CLEC17A: variants seen among roughly 807,000 people sequenced by gnomAD.
The protein encoded by CLEC17A is C-type lectin domain containing 17A, also known as C-type lectin domain family 17, member A.
In CLEC17A, 37 loss-of-function variants were observed where a neutral mutation model predicts 61.3. The observed-to-expected ratio is 0.60, with a 90% CI of 0.46 to 0.79. The LOEUF (loss-of-function observed/expected upper bound fraction) is 0.79, where lower values mean the gene tolerates loss of function less well. Ranked by LOEUF, CLEC17A falls within the 30% of genes least tolerant of loss-of-function variation. The pLI is 0.00. For synonymous variants in CLEC17A, 168 were observed against 164.9 expected (o/e 1.02, Z -0.14); for missense variants, 418 against 464.7 (o/e 0.90, Z 0.92).
At chr19:14,591,778 G>A (rs566209184) in intron 3 of CLEC17A, among the ~76,000 whole-genome samples, 18 of 150,890 alleles carry the variant, frequency 1.2e-4, no homozygotes, top group South Asian at 4.2e-4. Context: ...GGCTGATCTC[G>A]AACTCCCAAA....
intron 12 of CLEC17A, among the ~76,000 whole-genome samples, chr19:14,600,841 G>A (rs148256017): frequency 4.4e-4 from 65 of 148,000 alleles, no homozygotes; most frequent in African/African-American, 1.4e-3. Flanking sequence ...TGCCCGCCTC[G>A]GCCTCCCAAA....
intron 12 of CLEC17A, 74 bp downstream of exon 12, chr19:14,600,256 C>T (rs1445366808): frequency 6.5e-7 from 1 of 1,533,630 alleles, no homozygotes; most frequent in African/African-American, 1.4e-5. Flanking sequence ...ACACATCCCT[C>T]CCTTCCCTGG....
chr19:14,605,061 G>T (rs2074821153), intron 12 of CLEC17A, among the ~76,000 whole-genome samples: 1 of 152,082 alleles, frequency 6.6e-6, no homozygotes, highest in Admixed American at 6.5e-5. Flanking sequence ...GGCTGGGCAT[G>T]GTGGCTCACG....
upstream of CLEC17A, among the ~76,000 whole-genome samples, chr19:14,581,411 C>A (rs570124726): frequency 8.5e-5 from 13 of 152,264 alleles, no homozygotes; most frequent in Admixed American, 7.8e-4. Context: ...GCAGCCTCCG[C>A]CTCCCGGGTT....
chr19:14,591,633 A>G (rs1030915445), intron 3 of CLEC17A, among the ~76,000 whole-genome samples: 5 of 149,950 alleles, frequency 3.3e-5, no homozygotes, highest in Non-Finnish European at 5.9e-5. Context: ...AGCTCACTGC[A>G]ACCTCCACCT....
At chr19:14,604,647 C>A (rs1478916954) in intron 12 of CLEC17A, among the ~76,000 whole-genome samples, 1 of 151,888 alleles carries the variant, frequency 6.6e-6, no homozygotes, top group Non-Finnish European at 1.5e-5. Context: ...GCTGTAATCC[C>A]AGCTACTCAG....
chr19:14,597,590 G>T (rs1236074358), intron 10 of CLEC17A, among the ~76,000 whole-genome samples: 1 of 152,148 alleles, frequency 6.6e-6, no homozygotes, highest in Non-Finnish European at 1.5e-5. Context: ...AATTAGCCGG[G>T]TGTGGTGGTG....
chr19:14,607,035 C>G lies in CLEC17A; in HGVS notation c.937C>G (p.Leu313Val). ...CCATGGCTCTCCACGGGTGTACTGG[C>G]TGGGGCTGAATGACAGGGCCCAGGA... ...KAHGSPRVYWLGLNDRAQEGD... is the reference protein window; with the variant it reads ...KAHGSPRVYWVGLNDRAQEGD... Residue 313 changes from leucine to valine, a missense_variant, in exon 13 of 14, where the codon CTG (leucine) becomes GTG (valine). Leu to Val is a conservative substitution (Grantham distance 32). Coordinates refer to ENST00000417570, the MANE Select transcript of CLEC17A (RefSeq NM_001204118.2). 7.5e-7 allele frequency: 1 copy of G among 1,340,988 alleles called. No individual in the cohort carries two copies. Among genetic ancestry groups the G allele is most frequent in the South Asian group, 1.9e-5 (1 of 52,926 alleles). 83.1% of individuals were successfully genotyped at this position (1,340,988 alleles called of 1,614,324 possible).
chr19:14,597,368 A>C (rs1947020227), intron 10 of CLEC17A, among the ~76,000 whole-genome samples: 1 of 152,178 alleles, frequency 6.6e-6, no homozygotes, highest in South Asian at 2.1e-4. Flanking sequence ...TCCACCATCC[A>C]ATATGGTGGC....
intron 11 of CLEC17A, 32 bp downstream of exon 11, chr19:14,599,844 G>T: frequency 6.3e-7 from 1 of 1,577,122 alleles, no homozygotes; most frequent in Non-Finnish European, 8.7e-7. Context: ...GCCCAGGGAT[G>T]GGGGGCATGG....
At chr19:14,588,359 C>T (rs1030941141) in intron 3 of CLEC17A, 3 of 151,972 alleles carry the variant, frequency 2.0e-5, no homozygotes, top group African/African-American at 7.3e-5. Context: ...AGGTTTGGAC[C>T]GTTTGTGGTG....
upstream of CLEC17A, among the ~76,000 whole-genome samples, chr19:14,581,434 C>T (rs764647455): frequency 6.6e-6 from 1 of 152,116 alleles, no homozygotes; most frequent in Non-Finnish European, 1.5e-5. Flanking sequence ...AGCGATTCTT[C>T]TGCCGCAGCC....
chr19:14,591,279 T>G (rs374764390), intron 3 of CLEC17A, among the ~76,000 whole-genome samples: 1 of 150,036 alleles, frequency 6.7e-6, no homozygotes, highest in Non-Finnish European at 1.5e-5. Context: ...CTCAGCCTCC[T>G]GAGTAGCTGG....
At position 14,594,791 on chromosome 19, in the gene CLEC17A, C is replaced by T. The variant is rs537474682; in HGVS notation, c.394C>T (p.Pro132Ser). Residue 132 changes from proline (P) to serine (S), a missense_variant, in exon 7 of 14, where the codon CCT (proline) becomes TCT (serine). Pro to Ser is a moderately conservative substitution (Grantham distance 74, BLOSUM62 -1). Transcript: ENST00000417570. ...CCTCGCCGCTGTCACCTGTCCACCT[C>T]CTCAACTGGGTGAGCAGTGGGAAGA... ...LDLAAVTCPP[P>S]QLAVNLEPSP... 128 of 1,613,798 alleles carry T rather than the reference C, an allele frequency of 7.9e-5. No homozygotes were observed. The South Asian group carries it at 1.3e-3, about 16-fold the overall frequency.
chr19:14,597,750 C>T (rs1271014315), intron 10 of CLEC17A, among the ~76,000 whole-genome samples: 2 of 151,834 alleles, frequency 1.3e-5, no homozygotes, highest in Non-Finnish European at 1.5e-5. Flanking sequence ...TAGGCGCATG[C>T]CATCACACCC....
chr19:14,600,453 A>G (rs1568458329), intron 12 of CLEC17A, among the ~76,000 whole-genome samples: 1 of 152,220 alleles, frequency 6.6e-6, no homozygotes, highest in East Asian at 1.9e-4. Context: ...AATAATTAAT[A>G]TCTGTTAGGT....
chr19:14,587,396 G>A (rs2074311653), intron 2 of CLEC17A, among the ~76,000 whole-genome samples: 1 of 152,166 alleles, frequency 6.6e-6, no homozygotes, highest in South Asian at 2.1e-4. Context: ...CCCTTGTCAT[G>A]TTCCTGGTGT....
At chr19:14,606,933 G>T in intron 12 of CLEC17A, 60 bp from the exon 13 acceptor site, 1 of 853,974 alleles carries the variant, frequency 1.2e-6, no homozygotes, top group Non-Finnish European at 1.6e-6. Context: ...GCACAGGGCA[G>T]GTCCTCACCC....
At chr19:14,586,043 A>G (rs1279091490) in intron 2 of CLEC17A, among the ~76,000 whole-genome samples, 3 of 150,532 alleles carry the variant, frequency 2.0e-5, no homozygotes, top group Admixed American at 1.3e-4. Context: ...ATCCTATCCC[A>G]TTGCTCTGTT....
Sources: allele counts gnomAD v4.1 joint callset (sites outside exome capture counted in the v4.1 genomes callset), GRCh38; gene constraint gnomAD v4.1.1; transcripts MANE v1.5; gene names NCBI Gene and HGNC (gene_info 2026-07-23, HGNC 2026-07-21).